The following CD247 variants were observed in gnomAD, a reference collection of about 807,000 sequenced individuals.
The protein encoded by CD247 is CD247 molecule.
CD247 carries 13 observed loss-of-function variants against 30.0 expected under a neutral mutation model. The observed-to-expected ratio is 0.43, with a 90% CI of 0.28 to 0.69. The LOEUF (loss-of-function observed/expected upper bound fraction) is 0.69. Ranked by LOEUF, CD247 falls within the 30% of genes least tolerant of loss-of-function variation. CD247 has a pLI of 0.16. For missense variants in CD247, 193 were observed against 212.6 expected, an observed-to-expected ratio of 0.91 and a Z score of 0.57; for synonymous variants, 72 against 80.0, an observed-to-expected ratio of 0.90 and a Z score of 0.53.
At position 167,431,301 on chromosome 1, in the gene CD247, A is replaced by T. The variant is rs1651254326; in HGVS notation, c.*380T>A. On this transcript the variant is annotated 3_prime_UTR_variant, in exon 8 of 8. Transcript: ENST00000362089. ...AAGCCACTCAGACACAGAGTGATAC[A>T]GACATTAGGGCATGTGCTAGCATCT... 3.5e-6 allele frequency: 2 copies of T among 574,848 alleles called. No individual in the cohort carries two copies. The highest frequency in any genetic ancestry group is 5.6e-5 in the East Asian group (2 of 36,004). The allele number at this position is 574,848 out of a possible 1,614,324, so 35.6% of individuals were successfully genotyped here.
chr1:167,447,357 A>G (rs572163202), intron 1 of CD247, among the ~76,000 whole-genome samples: 50 of 152,152 alleles, frequency 3.3e-4, no homozygotes, highest in African/African-American at 1.2e-3. Flanking sequence ...CACCTCTTTC[A>G]GGAGTTTCTT....
intron 1 of CD247, among the ~76,000 whole-genome samples, chr1:167,460,209 C>G (rs1652927530): frequency 6.6e-6 from 1 of 151,902 alleles, no homozygotes; most frequent in Admixed American, 6.6e-5. Flanking sequence ...TGAGACTAGC[C>G]TGGGCAACAT....
rs898801362 is a variant in CD247, at chr1:167,494,776, T to C, written c.58+23632A>G. Reference sequence around the variant, plus strand: ...TTTATTAAAGAATGTGAAGGTCTCATCAAAAACCAAGCATGAGAGGCAAGA... The same window carrying C: ...TTTATTAAAGAATGTGAAGGTCTCACCAAAAACCAAGCATGAGAGGCAAGA... On this transcript the variant is annotated intron_variant, in intron 1 of 7. Transcript: ENST00000362089. This position sits in a 1 kb window ranked among gnomAD's most constrained non-coding sequence, Gnocchi z 7.3. 6.6e-6 allele frequency among the ~76,000 whole-genome samples: 1 copy of C among 152,134 alleles called. No homozygotes were observed. The highest frequency in any genetic ancestry group is 2.4e-5 in the African/African-American group (1 of 41,422).
intron 1 of CD247, 132 bp downstream of exon 1, chr1:167,518,276 C>T: frequency 1.2e-6 from 1 of 830,252 alleles, no homozygotes; most frequent in South Asian, 1.4e-5. Context: ...TGCTCACTTG[C>T]CCATTGATTT....
intron 1 of CD247, among the ~76,000 whole-genome samples, chr1:167,459,292 AT>A (rs1445152721): frequency 1.3e-5 from 2 of 148,842 alleles, no homozygotes; most frequent in African/African-American, 2.5e-5. Context: ...CCAATTGTTA[AT>A]TTTTTTTAAA....
At chr1:167,504,959 T>A (rs1251953573) in intron 1 of CD247, among the ~76,000 whole-genome samples, 1 of 152,194 alleles carries the variant, frequency 6.6e-6, no homozygotes, top group East Asian at 1.9e-4. Flanking sequence ...TTCATACTCA[T>A]GAAAACAAGT....
At chr1:167,488,388 T>C (rs1209917077) in intron 1 of CD247, among the ~76,000 whole-genome samples, 1 of 152,242 alleles carries the variant, frequency 6.6e-6, no homozygotes, top group Non-Finnish European at 1.5e-5. Context: ...AAGATTGGGC[T>C]CAACTCCAAG....
chr1:167,474,463 G>A (rs1220612762), intron 1 of CD247, among the ~76,000 whole-genome samples: 1 of 152,100 alleles, frequency 6.6e-6, no homozygotes, highest in Non-Finnish European at 1.5e-5. Context: ...GAGGCTCAAA[G>A]AGATCTTTTT....
intron 2 of CD247, 26 bp from the exon 3 acceptor site, chr1:167,439,426 T>C (rs758682094): frequency 1.2e-5 from 20 of 1,613,214 alleles, no homozygotes; most frequent in African/African-American, 2.7e-5. Flanking sequence ...CAAAGCGCGT[T>C]ACTGCTCCGC....
At chr1:167,462,710 C>A (rs1653078623) in intron 1 of CD247, among the ~76,000 whole-genome samples, 2 of 152,130 alleles carry the variant, frequency 1.3e-5, no homozygotes, top group African/African-American at 4.8e-5. Context: ...AGAATGGGAC[C>A]AGTAAAAGGG....
chr1:167,514,482 G>C (rs1274827406), intron 1 of CD247, among the ~76,000 whole-genome samples: 1 of 152,182 alleles, frequency 6.6e-6, no homozygotes, highest in Non-Finnish European at 1.5e-5. Flanking sequence ...GTAGAGCTGT[G>C]AGCGTGACAG....
chr1:167,496,410 T>C (rs894602550), intron 1 of CD247, among the ~76,000 whole-genome samples: 3 of 152,186 alleles, frequency 2.0e-5, no homozygotes, highest in African/African-American at 7.2e-5. Flanking sequence ...CAAGAATCAC[T>C]AGAGCCCTGC....
chr1:167,517,051 C>T (rs953007592), intron 1 of CD247, among the ~76,000 whole-genome samples: 1 of 152,224 alleles, frequency 6.6e-6, no homozygotes, highest in Non-Finnish European at 1.5e-5. Flanking sequence ...CCTGAAGTCA[C>T]TAAATTCCAG....
chr1:167,518,137 T>TCTTC (rs1655697004), intron 1 of CD247, among the ~76,000 whole-genome samples: 1 of 152,154 alleles, frequency 6.6e-6, no homozygotes, highest in African/African-American at 2.4e-5. Context: ...CTTGCTTCCT[T>TCTTC]CTTCCTTCCT....
At chr1:167,456,308 G>A (rs1002956299) in intron 1 of CD247, among the ~76,000 whole-genome samples, 2 of 152,210 alleles carry the variant, frequency 1.3e-5, no homozygotes, top group Non-Finnish European at 2.9e-5. Flanking sequence ...GCAGGAATGA[G>A]GGACCACGGT....
rs952963 is a variant in CD247 at position 167,433,975 on chromosome 1, G to A, written c.393+45C>T. On this transcript the variant is annotated intron_variant, in intron 6 of 7. Transcript: ENST00000362089. ...AGGCCTGCAGCAGGCGTGTCTGGAGGACCAAGAGGAACTCCCTCGGAAATT... is the reference window on the plus strand; with the variant it reads ...AGGCCTGCAGCAGGCGTGTCTGGAGAACCAAGAGGAACTCCCTCGGAAATT... 0.11 allele frequency: 174,857 copies of A among 1,530,668 alleles called. 10,830 individuals are homozygous for A. The highest frequency in any genetic ancestry group is 0.23 in the East Asian group (10,307 of 44,516). The allele number at this position is 1,530,668 out of a possible 1,614,324, so 94.8% of individuals were successfully genotyped here. A position where few individuals can be genotyped will look rare whatever the true frequency, so the allele number is the denominator to read the frequency against.
chr1:167,494,287 A>G lies in CD247; in HGVS notation c.58+24121T>C, dbSNP rs547034796. Among the ~76,000 whole-genome samples the G allele has an allele frequency of 7.9e-5, 12 of 152,322 alleles. No homozygotes were observed. The South Asian group carries it at 2.5e-3, about 32-fold the overall frequency. ...GGGCCAGTTCAGCAAAACCTCTGTC[A>G]ACAAATAGAGGATTTGTTTAATCTT... On this transcript the variant is annotated intron_variant, in intron 1 of 7. Transcript: ENST00000362089. The surrounding 1 kb of genome is among the most constrained non-coding windows in gnomAD (Gnocchi z 7.3).
chr1:167,447,966 G>GA (rs1652167157), intron 1 of CD247, among the ~76,000 whole-genome samples: 1 of 145,456 alleles, frequency 6.9e-6, no homozygotes, highest in African/African-American at 2.5e-5. Flanking sequence ...GCAGCTATGG[G>GA]TGGGGGGGTG....
intron 1 of CD247, among the ~76,000 whole-genome samples, chr1:167,506,283 TTTTCTTTTTTCTTTTCTTTTCC>T (rs1450640581): frequency 2.8e-4 from 4 of 14,434 alleles, no homozygotes; most frequent in African/African-American, 1.3e-3. Context: ...TTTTCTTTTC[TTTTCTTTTTTCTTTTCTTTTCC>T]TTTCCTTTCT....
Sources: allele counts gnomAD v4.1 joint callset (sites outside exome capture counted in the v4.1 genomes callset), GRCh38; gene constraint gnomAD v4.1.1; non-coding constraint Gnocchi (gnomAD v3.1); transcripts MANE v1.5; gene names NCBI Gene and HGNC (gene_info 2026-07-23, HGNC 2026-07-21).